Variants in DGKB observed in about 807,000 individuals in gnomAD.
DGKB encodes 90 kDa diacylglycerol kinase.
In DGKB, 67 loss-of-function variants were observed where a neutral mutation model predicts 114.3. That is an observed-to-expected ratio of 0.59 (90% CI 0.48 to 0.72). The LOEUF is 0.72. Ranked by LOEUF, DGKB falls within the 30% of genes least tolerant of loss-of-function variation. The pLI is 0.00. For missense variants in DGKB, 907 were observed against 975.2 expected (o/e 0.93, Z 0.93); for synonymous variants, 398 against 323.1 (o/e 1.23, Z -2.49).
intron 20 of DGKB, among the ~76,000 whole-genome samples, chr7:14,513,216 C>T (rs1375893073): frequency 1.3e-5 from 2 of 151,982 alleles, no homozygotes; most frequent in Non-Finnish European, 1.5e-5. Context: ...CTTTATTATT[C>T]TATCTTCTAC....
chr7:14,512,311 A>G (rs1788102425), intron 20 of DGKB, among the ~76,000 whole-genome samples: 1 of 152,236 alleles, frequency 6.6e-6, no homozygotes, highest in South Asian at 2.1e-4. Context: ...CTTCTTTACA[A>G]GATGGAATTA....
chr7:14,759,932 C>G (rs535465689), intron 2 of DGKB, among the ~76,000 whole-genome samples: 1 of 152,268 alleles, frequency 6.6e-6, no homozygotes, highest in East Asian at 1.9e-4. Context: ...TATTTTCTAA[C>G]CCTTTTTTTG....
intron 1 of DGKB, among the ~76,000 whole-genome samples, chr7:14,971,444 T>C (rs545713491): frequency 4.8e-4 from 73 of 152,264 alleles, no homozygotes; most frequent in Admixed American, 3.9e-3. Flanking sequence ...AGCCACAAGA[T>C]AGCTGTCTGT....
intron 19 of DGKB, among the ~76,000 whole-genome samples, chr7:14,578,537 G>T (rs1033677757): frequency 1.3e-5 from 2 of 152,092 alleles, no homozygotes; most frequent in Non-Finnish European, 2.9e-5. Context: ...CTCAACTTGG[G>T]CATCTTGATA....
At chr7:14,600,265 C>G (rs1446838063) in intron 17 of DGKB, among the ~76,000 whole-genome samples, 1 of 152,098 alleles carries the variant, frequency 6.6e-6, no homozygotes, top group African/African-American at 2.4e-5. Context: ...GGGTAGAGCC[C>G]TCATAACCTA....
intron 2 of DGKB, among the ~76,000 whole-genome samples, chr7:14,758,095 A>G (rs986578184): frequency 6.6e-6 from 1 of 152,104 alleles, no homozygotes; most frequent in African/African-American, 2.4e-5. Flanking sequence ...TACTTTAGTA[A>G]TTAAAGTTTT....
intron 5 of DGKB, among the ~76,000 whole-genome samples, chr7:14,732,453 C>T (rs1014967651): frequency 6.6e-6 from 1 of 151,476 alleles, no homozygotes; most frequent in Non-Finnish European, 1.5e-5. Flanking sequence ...AAAGGCATTT[C>T]TTTTGTCAGT....
At chr7:14,398,173 T>C (rs1467686279) in intron 21 of DGKB, among the ~76,000 whole-genome samples, 1 of 152,086 alleles carries the variant, frequency 6.6e-6, no homozygotes, top group Non-Finnish European at 1.5e-5. Flanking sequence ...TCAATGGTAA[T>C]GACTGGGTGA....
intron 4 of DGKB, among the ~76,000 whole-genome samples, chr7:14,744,188 T>G (rs1488641528): frequency 1.3e-5 from 2 of 152,224 alleles, no homozygotes; most frequent in Non-Finnish European, 2.9e-5. Context: ...TACTTCTTTC[T>G]CTTTGCCTGG....
chr7:14,153,722 G>T (rs566019970), intron 25 of DGKB, among the ~76,000 whole-genome samples: 6 of 151,392 alleles, frequency 4.0e-5, no homozygotes. Flanking sequence ...CAAAGTGAAG[G>T]GATAAAAAGA....
intron 14 of DGKB, among the ~76,000 whole-genome samples, chr7:14,626,399 T>TA (rs1413502927): frequency 6.6e-6 from 1 of 152,354 alleles, no homozygotes; most frequent in East Asian, 1.9e-4. Flanking sequence ...TCCCTGCTAC[T>TA]ACTGCACAAC....
chr7:14,599,193 C>A (rs537433438), intron 17 of DGKB, among the ~76,000 whole-genome samples: 1 of 152,156 alleles, frequency 6.6e-6, no homozygotes. Flanking sequence ...CATTGCAATG[C>A]ACTTATTAAT....
At chr7:14,205,491 G>A (rs1242138286) in intron 23 of DGKB, among the ~76,000 whole-genome samples, 2 of 151,888 alleles carry the variant, frequency 1.3e-5, no homozygotes, top group Non-Finnish European at 2.9e-5. Context: ...CTGGTTCACA[G>A]AATTGTTTGG....
At chr7:14,946,622 T>C (rs1562895401) in intron 1 of DGKB, among the ~76,000 whole-genome samples, 1 of 151,698 alleles carries the variant, frequency 6.6e-6, no homozygotes. Context: ...TGTTTCCAAA[T>C]GTCTTGCACC....
chr7:14,705,958 C>A (rs1396755532), intron 6 of DGKB, among the ~76,000 whole-genome samples: 1 of 151,826 alleles, frequency 6.6e-6, no homozygotes, highest in Non-Finnish European at 1.5e-5. Context: ...CAAATTCACA[C>A]ATAACAATAT....
intron 23 of DGKB, among the ~76,000 whole-genome samples, chr7:14,254,595 A>T (rs1475077399): frequency 6.8e-6 from 1 of 147,044 alleles, no homozygotes; most frequent in African/African-American, 2.6e-5. Context: ...AACTGTTGTA[A>T]TATATATTGG....
At chr7:14,894,224 A>G (rs771557406) in intron 1 of DGKB, among the ~76,000 whole-genome samples, 8 of 151,552 alleles carry the variant, frequency 5.3e-5, no homozygotes, top group African/African-American at 1.7e-4. Flanking sequence ...TAATATTTAA[A>G]TAAGGAAGAT....
At chr7:14,606,585 A>G (rs1242241783) in intron 17 of DGKB, among the ~76,000 whole-genome samples, 1 of 150,122 alleles carries the variant, frequency 6.7e-6, no homozygotes, top group African/African-American at 2.5e-5. Flanking sequence ...ATTTTAAATC[A>G]ACTGCCTTTT....
At chr7:14,381,118 C>A (rs1819401544) in intron 21 of DGKB, among the ~76,000 whole-genome samples, 1 of 152,178 alleles carries the variant, frequency 6.6e-6, no homozygotes, top group South Asian at 2.1e-4. Context: ...GGGGCTCGTT[C>A]TCTCTGTGCT....
Sources: gnomAD v4.1 joint callset for allele counts (sites outside exome capture counted in the v4.1 genomes callset) on GRCh38, gnomAD v4.1.1 for gene constraint, MANE v1.5 for transcripts, NCBI Gene and HGNC (gene_info 2026-07-23, HGNC 2026-07-21) for gene names.